ENSA: variants seen among roughly 807,000 people sequenced by gnomAD.
ENSA encodes the protein alpha-endosulfine.
ENSA carries 7 observed loss-of-function variants against 16.8 expected under a neutral mutation model. The observed-to-expected ratio is 0.42, with a 90% CI of 0.24 to 0.78. The LOEUF (loss-of-function observed/expected upper bound fraction) is 0.78, where lower values mean the gene tolerates loss of function less well. Ranked by LOEUF, ENSA falls within the 30% of genes least tolerant of loss-of-function variation. The pLI is 0.29. For missense variants in ENSA, 87 were observed against 142.3 expected (o/e 0.61, Z 1.98); for synonymous variants, 58 against 53.4 (o/e 1.09, Z -0.37).
At position 150,625,797 on chromosome 1, in the gene ENSA, A is replaced by G; in HGVS notation, c.195T>C (p.Phe65=). The part of the protein sequence containing the change: ...MKRLQKGQKY[F]DSGDYNMAKA... Reference sequence around the variant, plus strand: ...TGGCCATGTTGTAGTCTCCTGAGTCAAAGTACTTTTGCTAAGAGATAAGAG... The same window carrying G: ...TGGCCATGTTGTAGTCTCCTGAGTCGAAGTACTTTTGCTAAGAGATAAGAG... Residue 65 remains phenylalanine (F), a synonymous_variant, in exon 3 of 4, where the codon TTT becomes TTC. Transcript: ENST00000369014. The G allele has an allele frequency of 6.2e-7, 1 of 1,602,226 alleles. No homozygotes were observed. Among genetic ancestry groups the G allele is most frequent in the South Asian group, 1.1e-5 (1 of 89,404 alleles).
In ENSA at chr1:150,629,400, C is replaced by T. The variant is rs756514812; in HGVS notation, c.57+14G>A. ...GTCTCCCCAGCTCGCCCGCCCGCAC[C>T]CCTTCCACTTCACCTGCTTCTCCTC... On this transcript the variant is annotated intron_variant, in intron 1 of 3. Coordinates refer to ENST00000369014, the MANE Select transcript of ENSA (RefSeq NM_004436.4). The T allele has an allele frequency of 4.3e-6, 7 of 1,612,058 alleles. No individual in the cohort carries two copies. Among genetic ancestry groups the T allele is most frequent in the Non-Finnish European group, 5.9e-6 (7 of 1,178,866 alleles).
chr1:150,629,387 C>T (rs945989385), intron 1 of ENSA, 27 bp downstream of exon 1: 5 of 1,608,112 alleles, frequency 3.1e-6, no homozygotes, highest in Non-Finnish European at 3.4e-6. Context: ...CTCCCCAGCT[C>T]GCCCGCCCGC....
chr1:150,629,172 C>G (rs1312878897), intron 1 of ENSA: 1 of 1,613,212 alleles, frequency 6.2e-7, no homozygotes. Context: ...TATAGCACAG[C>G]GTCCAAGGTT....
At position 150,625,628 on chromosome 1, in the gene ENSA, G is replaced by A. The variant is rs1394593978; in HGVS notation, c.350+14C>T. On this transcript the variant is annotated intron_variant, in intron 3 of 3. Coordinates refer to ENST00000369014, the MANE Select transcript of ENSA (RefSeq NM_004436.4). ...AGTGGTTGAGGAAGGGGAGGAGAGG[G>A]GGGCTCAGGTTACCCCGCAAGCTTG... 2 of 1,580,862 alleles carry A rather than the reference G, an allele frequency of 1.3e-6. No individual in the cohort carries two copies. Among genetic ancestry groups the A allele is most frequent in the South Asian group, 1.1e-5 (1 of 87,204 alleles).
chr1:150,627,407 C>T, intron 2 of ENSA, 60 bp downstream of exon 2: 1 of 1,614,226 alleles, frequency 6.2e-7, no homozygotes. Flanking sequence ...CCTCTACAGA[C>T]TTCATTCGAA....
chr1:150,623,958 A>G, intron 3 of ENSA: 1 of 985,450 alleles, frequency 1.0e-6, no homozygotes, highest in Non-Finnish European at 1.2e-6. Flanking sequence ...CATGCACATC[A>G]GCAAGTCTAT....
chr1:150,624,069 C>A, intron 3 of ENSA: 5 of 985,376 alleles, frequency 5.1e-6, no homozygotes, highest in Non-Finnish European at 6.0e-6. Context: ...TAGTTCTCAC[C>A]CTGGTCCTCT....
chr1:150,629,290 A>G, intron 1 of ENSA, 124 bp downstream of exon 1: 2 of 1,519,460 alleles, frequency 1.3e-6, no homozygotes, highest in Non-Finnish European at 8.9e-7. Flanking sequence ...ACCCAGCGTG[A>G]CGCAAAAAGT....
At chr1:150,624,253 T>A in intron 3 of ENSA, 2 of 985,874 alleles carry the variant, frequency 2.0e-6, no homozygotes, top group Non-Finnish European at 2.4e-6. Flanking sequence ...CAGAGATTTC[T>A]CAGTCTTCCT....
chr1:150,622,890 AAAC>A (rs753979028), intron 3 of ENSA, 31 bp from the exon 4 acceptor site: 9 of 1,546,522 alleles, frequency 5.8e-6, no homozygotes, highest in Non-Finnish European at 7.9e-6. Flanking sequence ...AAAAAAAAAA[AAAC>A]AACACTGTCA....
At chr1:150,626,444 A>G in intron 2 of ENSA, 2 of 1,599,006 alleles carry the variant, frequency 1.3e-6, no homozygotes, top group Non-Finnish European at 8.6e-7. Flanking sequence ...CTAAGACTCA[A>G]TAACTGGGAT....
intron 1 of ENSA, 69 bp downstream of exon 1, chr1:150,629,345 T>C (rs1330502227): frequency 6.3e-7 from 1 of 1,577,550 alleles, no homozygotes; most frequent in African/African-American, 1.3e-5. Context: ...CAATCCGCAC[T>C]GGTGGGAGAC....
At position 150,625,822 on chromosome 1, in the gene ENSA, G is replaced by C; in HGVS notation, c.184-14C>G. 6.3e-7 allele frequency: 1 copy of C among 1,584,902 alleles called. No individual in the cohort carries two copies. Among genetic ancestry groups the C allele is most frequent in the Non-Finnish European group, 8.6e-7 (1 of 1,163,296 alleles). ...AAAGTACTTTTGCTAAGAGATAAGA[G>C]GGAGGTTTAGGTGAGTGAGGACTCT... On this transcript the variant is annotated splice_polypyrimidine_tract_variant and intron_variant, in intron 2 of 3. Transcript: ENST00000369014.
Position 150,622,787 on chromosome 1 carries a change from A to G in ENSA, c.*57T>C. On this transcript the variant is annotated 3_prime_UTR_variant, in exon 4 of 4. Coordinates refer to ENST00000369014, the MANE Select transcript of ENSA (RefSeq NM_004436.4). ...AGGAAGGGGCAGGAGCCAGCACAGGACCCGGGTGGGGCAGGGAGGGGAAGC... is the reference window on the plus strand; with the variant it reads ...AGGAAGGGGCAGGAGCCAGCACAGGGCCCGGGTGGGGCAGGGAGGGGAAGC... The G allele has an allele frequency of 6.5e-7, 1 of 1,543,962 alleles. No individual in the cohort carries two copies. The highest frequency in any genetic ancestry group is 8.7e-7 in the Non-Finnish European group (1 of 1,143,522).
chr1:150,629,456 T>C lies in ENSA; in HGVS notation c.15A>G (p.Gln5=). Residue 5 remains glutamine (Q), a synonymous_variant, in exon 1 of 4, where the codon CAA becomes CAG. Transcript: ENST00000369014. MSQK[Q]EEENPAEETG... is the part of the protein sequence containing the mutation. ...TCTCCTCCGCAGGGTTCTCTTCTTC[T>C]TGTTTCTGGGACATGGCGGGACCGG... 2 of 1,613,724 alleles carry C rather than the reference T, an allele frequency of 1.2e-6. No homozygotes were observed. Among genetic ancestry groups the C allele is most frequent in the Non-Finnish European group, 8.5e-7 (1 of 1,179,786 alleles).
intron 2 of ENSA, chr1:150,627,049 AT>A (rs1649381934): frequency 1.6e-6 from 2 of 1,235,904 alleles, no homozygotes; most frequent in Non-Finnish European, 2.0e-6. Flanking sequence ...AAACTGATTC[AT>A]TTCAAGTTGA....
intron 3 of ENSA, chr1:150,624,198 C>A: frequency 1.0e-6 from 1 of 985,544 alleles, no homozygotes; most frequent in South Asian, 4.7e-5. Context: ...AGCATGGCTA[C>A]CTCTCCTCAT....
chr1:150,628,070 G>GT (rs1649474097), intron 1 of ENSA, among the ~76,000 whole-genome samples: 1 of 152,268 alleles, frequency 6.6e-6, no homozygotes, highest in Non-Finnish European at 1.5e-5. Flanking sequence ...GCTGAGGCAG[G>GT]TGCATCACTT....
intron 3 of ENSA, chr1:150,623,372 T>C (rs1358011531): frequency 1.0e-6 from 1 of 985,890 alleles, no homozygotes; most frequent in Admixed American, 6.1e-5. Context: ...AGCTATGTAC[T>C]TCATGCTGTG....
Sources: allele counts gnomAD v4.1 joint callset (sites outside exome capture counted in the v4.1 genomes callset), GRCh38; gene constraint gnomAD v4.1.1; transcripts MANE v1.5; gene names NCBI Gene and HGNC (gene_info 2026-07-23, HGNC 2026-07-21).